The following MEI1 variants were observed in gnomAD, a reference collection of about 807,000 sequenced individuals.
The protein encoded by MEI1 is meiosis inhibitor protein 1.
MEI1 carries 103 observed loss-of-function variants against 146.2 expected under a neutral mutation model. The ratio of observed to expected loss-of-function variants is 0.70; its 90% CI spans 0.60 to 0.83. The LOEUF (loss-of-function observed/expected upper bound fraction) is 0.83, where lower values mean the gene tolerates loss of function less well. Ranked by LOEUF, MEI1 falls within the 40% of genes least tolerant of loss-of-function variation. The probability of loss-of-function intolerance (pLI) is 0.00; values close to 1 mark genes in which losing one functional copy is unlikely to be tolerated. For missense variants in MEI1, 1,529 were observed against 1,533.0 expected, an observed-to-expected ratio of 1.00 and a Z score of 0.04; for synonymous variants, 652 against 628.2, an observed-to-expected ratio of 1.04 and a Z score of -0.57.
chr22:41,773,414 A>G (rs899568960), intron 20 of MEI1, among the ~76,000 whole-genome samples: 2 of 152,162 alleles, frequency 1.3e-5, no homozygotes, highest in Non-Finnish European at 2.9e-5. Context: ...TTCACTAATC[A>G]TTGACTGCCT....
rs8137029 is a variant in MEI1 at position 41,789,182 on chromosome 22, C to G, written c.3345+4399C>G. ...AAAAAATTAGCCGGGCGTGGTGGCGCGCACCTGTAATCCCAGCTACTTGGG... is the reference window on the plus strand; with the variant it reads ...AAAAAATTAGCCGGGCGTGGTGGCGGGCACCTGTAATCCCAGCTACTTGGG... On this transcript the variant is annotated intron_variant, in intron 26 of 30. Transcript: ENST00000401548. Among the ~76,000 whole-genome samples, 3 of 151,794 alleles carry G rather than the reference C, an allele frequency of 2.0e-5. No individual in the cohort carries two copies. The East Asian group carries it at 5.8e-4, about 29-fold the overall frequency.
At chr22:41,722,444 C>T (rs181896001) in intron 6 of MEI1, among the ~76,000 whole-genome samples, 2 of 151,598 alleles carry the variant, frequency 1.3e-5, no homozygotes, top group East Asian at 1.9e-4. Flanking sequence ...ATTACAGGTG[C>T]ACGCCACCTT....
chr22:41,718,402 G>A (rs2070413324), intron 6 of MEI1, 128 bp downstream of exon 6: 3 of 758,918 alleles, frequency 4.0e-6, no homozygotes, highest in African/African-American at 1.8e-5. Flanking sequence ...CACAAGGCTT[G>A]AGAGATAAGA....
At position 41,770,812 on chromosome 22, in the gene MEI1, C is replaced by A. The variant is rs779161476; in HGVS notation, c.2395C>A (p.Arg799Ser). The A allele has an allele frequency of 6.2e-7, 1 of 1,613,908 alleles. No homozygotes were observed. Among genetic ancestry groups the A allele is most frequent in the East Asian group, 2.2e-5 (1 of 44,878 alleles). The part of the protein sequence containing the change: ...YPELMSRYGH[R>S]VLELWFFWEE... ...AGAGCTCATGAGTAGGTATGGGCAC[C>A]GTGTCCTGGAACTTTGGTTCTTCTG... Residue 799 changes from arginine to serine, a missense_variant, in exon 20 of 31, where the codon CGT becomes AGT. Transcript: ENST00000401548.
chr22:41,789,730 T>C (rs1047118326), intron 26 of MEI1, among the ~76,000 whole-genome samples: 12 of 152,142 alleles, frequency 7.9e-5, no homozygotes, highest in Admixed American at 2.0e-4. Context: ...TGGAATCCTG[T>C]ATTTGTCTCT....
chr22:41,747,671 G>T (rs1350287480), intron 14 of MEI1, among the ~76,000 whole-genome samples: 1 of 151,670 alleles, frequency 6.6e-6, no homozygotes. Context: ...ACCACTGATC[G>T]CCAGCCTGGG....
Position 41,799,414 on chromosome 22 carries a change from A to G in MEI1, c.*115A>G, listed in dbSNP as rs2076496503. On this transcript the variant is annotated 3_prime_UTR_variant, in exon 31 of 31. Coordinates refer to ENST00000401548, the MANE Select transcript of MEI1 (RefSeq NM_152513.4). ...CTATTCATATGGAGCCATATACTCT[A>G]TTGTTGAAATAGAATAAGGAAATAA... 2 of 947,026 alleles carry G rather than the reference A, an allele frequency of 2.1e-6. No individual in the cohort carries two copies. Among genetic ancestry groups the G allele is most frequent in the South Asian group, 1.5e-5 (1 of 68,490 alleles). 58.7% of individuals were successfully genotyped at this position (947,026 alleles called of 1,614,324 possible).
At chr22:41,797,002 T>C (rs2076385475) in intron 30 of MEI1, among the ~76,000 whole-genome samples, 1 of 152,170 alleles carries the variant, frequency 6.6e-6, no homozygotes, top group South Asian at 2.1e-4. Context: ...ACATTCTTTT[T>C]ATTTATTTTT....
intron 30 of MEI1, 115 bp from the exon 31 acceptor site, chr22:41,799,139 C>T: frequency 3.3e-6 from 3 of 910,548 alleles, no homozygotes; most frequent in Non-Finnish European, 5.2e-6. Flanking sequence ...CCACTATTCT[C>T]AGGAGCACTT....
chr22:41,712,204 C>CAAAAAAAAAAAAAAAAA (rs561773303), intron 3 of MEI1, among the ~76,000 whole-genome samples: 2 of 53,650 alleles, frequency 3.7e-5, no homozygotes, highest in Non-Finnish European at 6.2e-5. Flanking sequence ...AACTCCGGCT[C>CAAAAAAAAAAAAAAAAA]AAAAAAAAAA....
chr22:41,786,207 G>A (rs2075981610), intron 26 of MEI1, among the ~76,000 whole-genome samples: 1 of 152,108 alleles, frequency 6.6e-6, no homozygotes, highest in Admixed American at 6.5e-5. Context: ...ACCGCGCCCG[G>A]CCCCTATTTT....
At chr22:41,705,708 C>CTTT (rs10568131) in intron 3 of MEI1, among the ~76,000 whole-genome samples, 154 bp downstream of exon 3, 1 of 137,030 alleles carries the variant, frequency 7.3e-6, no homozygotes, top group Non-Finnish European at 1.6e-5. Context: ...TTGTTTTTTA[C>CTTT]TTTTTTTTTT....
chr22:41,769,118 GA>G (rs898407662), intron 19 of MEI1, among the ~76,000 whole-genome samples: 2 of 151,260 alleles, frequency 1.3e-5, no homozygotes, highest in African/African-American at 4.9e-5. Context: ...AAACAATCTT[GA>G]AAAAAAAGAA....
chr22:41,703,342 G>C lies in MEI1; in HGVS notation c.186G>C (p.Lys62Asn). 1.2e-6 allele frequency: 2 copies of C among 1,612,648 alleles called. No individual in the cohort carries two copies. Among genetic ancestry groups the C allele is most frequent in the East Asian group, 2.2e-5 (1 of 44,870 alleles). Reference sequence around the variant, plus strand: ...TCATTTGCTTCAAGTTAGTGCGCAAGAAGCACATGTTGTCCTGCTTCCAAG... The same window carrying C: ...TCATTTGCTTCAAGTTAGTGCGCAACAAGCACATGTTGTCCTGCTTCCAAG... Reference protein sequence around the residue: ...LPDPGVSLVRKKHMLSCFQDA... With the variant: ...LPDPGVSLVRNKHMLSCFQDA... Residue 62 changes from lysine (K) to asparagine (N), a missense_variant, in exon 2 of 31, where the codon AAG becomes AAC. By Grantham distance (94) the Lys-to-Asn change is moderately conservative (BLOSUM62 0). Transcript: ENST00000401548.
At chr22:41,768,775 C>G (rs1444908882) in intron 19 of MEI1, among the ~76,000 whole-genome samples, 1 of 152,138 alleles carries the variant, frequency 6.6e-6, no homozygotes, top group Admixed American at 6.6e-5. Flanking sequence ...GGAGGTCCAC[C>G]CCCATGATCC....
chr22:41,719,630 C>T (rs754906713), intron 6 of MEI1, among the ~76,000 whole-genome samples: 2 of 152,176 alleles, frequency 1.3e-5, no homozygotes, highest in Non-Finnish European at 2.9e-5. Flanking sequence ...CTCCTGATAC[C>T]GCTGCATTGG....
At chr22:41,772,573 T>G (rs1198474377) in intron 20 of MEI1, among the ~76,000 whole-genome samples, 1 of 151,576 alleles carries the variant, frequency 6.6e-6, no homozygotes, top group African/African-American at 2.4e-5. Flanking sequence ...CCTCCCACCA[T>G]GGCCTCCCAA....
intron 4 of MEI1, 134 bp from the exon 5 acceptor site, chr22:41,715,907 T>C: frequency 1.5e-6 from 1 of 650,596 alleles, no homozygotes; most frequent in Non-Finnish European, 2.6e-6. Context: ...GACACTAAGC[T>C]AAAAAAGCTG....
Position 41,743,097 on chromosome 22 carries a change from C to T in MEI1, c.1349C>T (p.Thr450Ile). 6.2e-7 allele frequency: 1 copy of T among 1,612,418 alleles called. No individual in the cohort carries two copies. Among genetic ancestry groups the T allele is most frequent in the Non-Finnish European group, 8.5e-7 (1 of 1,179,136 alleles). Residue 450 changes from threonine (T) to isoleucine (I), a missense_variant, in exon 12 of 31, where the codon ACT becomes ATT. Thr to Ile is a moderately conservative substitution (Grantham distance 89, BLOSUM62 -1). Coordinates refer to ENST00000401548, the MANE Select transcript of MEI1 (RefSeq NM_152513.4). ...GGATGCAGGAAGGACCATCAGAGCACTCCACCTGTGCAGTATGGGGAACTG... is the reference window on the plus strand; with the variant it reads ...GGATGCAGGAAGGACCATCAGAGCATTCCACCTGTGCAGTATGGGGAACTG... ...SAFLRKDHQS[T>I]PPVQYGELQA...
Sources: allele counts gnomAD v4.1 joint callset (sites outside exome capture counted in the v4.1 genomes callset), GRCh38; gene constraint gnomAD v4.1.1; transcripts MANE v1.5; gene names NCBI Gene and HGNC (gene_info 2026-07-23, HGNC 2026-07-21).